Variants in CTNNA3 observed in about 807,000 individuals in gnomAD.
The protein encoded by CTNNA3 is catenin alpha-3.
In CTNNA3, 76 loss-of-function variants were observed where a neutral mutation model predicts 95.7. That is an observed-to-expected ratio of 0.79 (90% CI 0.66 to 0.96). The LOEUF (loss-of-function observed/expected upper bound fraction) is 0.96. Among genes scored for constraint, CTNNA3 ranks in the 40% least tolerant of loss-of-function variants. The pLI, the probability that CTNNA3 is intolerant of heterozygous loss-of-function variation, is 0.00. For missense variants in CTNNA3, 1,191 were observed against 1,089.8 expected (o/e 1.09, Z -1.31); for synonymous variants, 431 against 374.4 (o/e 1.15, Z -1.74).
intron 1 of CTNNA3, chr10:67,750,389 A>G: frequency 1.3e-6 from 2 of 1,493,194 alleles, no homozygotes; most frequent in Non-Finnish European, 1.9e-6. Context: ...GAAGGTGGCC[A>G]TTGATGCAGG....
At chr10:67,690,924 G>A (rs916650588) in intron 1 of CTNNA3, among the ~76,000 whole-genome samples, 2 of 152,002 alleles carry the variant, frequency 1.3e-5, no homozygotes, top group Middle Eastern at 3.4e-3. Flanking sequence ...TCTTTCCACG[G>A]TCTCCCTCTG....
intron 11 of CTNNA3, among the ~76,000 whole-genome samples, chr10:66,425,675 G>GAT (rs34309375): frequency 0.27 from 39,784 of 148,508 alleles, 5,332 homozygotes; most frequent in South Asian, 0.39. Context: ...TTCATATAAA[G>GAT]ATATATATAT....
chr10:67,307,863 G>T (rs970238092), intron 5 of CTNNA3, among the ~76,000 whole-genome samples: 4 of 152,048 alleles, frequency 2.6e-5, no homozygotes, highest in Non-Finnish European at 5.9e-5. Flanking sequence ...TTCATCACTC[G>T]GGACCTATAA....
intron 7 of CTNNA3, among the ~76,000 whole-genome samples, chr10:66,820,060 C>CA (rs71035186): frequency 0.02 from 2,278 of 116,024 alleles, 36 homozygotes; most frequent in African/African-American, 0.056. Flanking sequence ...GTGATAATAG[C>CA]AAAAAAAAAA....
intron 7 of CTNNA3, among the ~76,000 whole-genome samples, chr10:67,085,443 A>G (rs550442603): frequency 6.6e-6 from 1 of 152,034 alleles, no homozygotes; most frequent in South Asian, 2.1e-4. Flanking sequence ...AGACACTGAG[A>G]AGAGCTATTC....
At chr10:66,121,792 C>T (rs772550057) in intron 13 of CTNNA3, among the ~76,000 whole-genome samples, 1 of 152,084 alleles carries the variant, frequency 6.6e-6, no homozygotes, top group Non-Finnish European at 1.5e-5. Context: ...AGTAAGACCA[C>T]ACCACTGCAC....
chr10:67,379,865 C>T (rs573961794), intron 5 of CTNNA3, among the ~76,000 whole-genome samples: 110 of 151,520 alleles, frequency 7.3e-4, no homozygotes, highest in African/African-American at 2.3e-3. Context: ...ACTAAAAATA[C>T]AAAAAATTAG....
chr10:66,162,874 G>T (rs546935761), intron 13 of CTNNA3, among the ~76,000 whole-genome samples: 1 of 151,542 alleles, frequency 6.6e-6, no homozygotes, highest in Non-Finnish European at 1.5e-5. Flanking sequence ...CTCCTTGGGC[G>T]GGTCTTGCTG....
At chr10:65,929,741 GTATTTT>G (rs1363712033) in intron 17 of CTNNA3, among the ~76,000 whole-genome samples, 1 of 151,804 alleles carries the variant, frequency 6.6e-6, no homozygotes, top group Non-Finnish European at 1.5e-5. Flanking sequence ...GCTAATTTTT[GTATTTT>G]TAGTACAGAC....
intron 13 of CTNNA3, among the ~76,000 whole-genome samples, chr10:66,143,313 A>G (rs1200600870): frequency 6.6e-6 from 1 of 152,192 alleles, no homozygotes; most frequent in African/African-American, 2.4e-5. Flanking sequence ...TATACTTTAT[A>G]AAATTAAAAT....
chr10:67,694,721 T>A (rs749477456), intron 1 of CTNNA3, among the ~76,000 whole-genome samples: 4 of 152,068 alleles, frequency 2.6e-5, no homozygotes, highest in Non-Finnish European at 2.9e-5. Context: ...CCAAATTTTA[T>A]CTATACTATT....
chr10:66,923,597 T>G (rs956547951), intron 7 of CTNNA3, among the ~76,000 whole-genome samples: 1 of 152,220 alleles, frequency 6.6e-6, no homozygotes, highest in East Asian at 1.9e-4. Flanking sequence ...CAAAGGAGAA[T>G]AGTCAAAAGC....
chr10:67,635,942 T>G (rs1159666142), intron 2 of CTNNA3, among the ~76,000 whole-genome samples: 12 of 152,198 alleles, frequency 7.9e-5, no homozygotes, highest in Admixed American at 6.6e-4. Flanking sequence ...CAAAAGCTCC[T>G]TAAGCTGATA....
intron 1 of CTNNA3, chr10:67,751,344 T>C (rs1841406106): frequency 4.4e-6 from 3 of 687,798 alleles, no homozygotes; most frequent in East Asian, 3.3e-5. Flanking sequence ...AGTGACTTCG[T>C]CCTGTTGCAG....
At chr10:67,624,673 A>G (rs1843967362) in intron 2 of CTNNA3, among the ~76,000 whole-genome samples, 1 of 152,196 alleles carries the variant, frequency 6.6e-6, no homozygotes, top group South Asian at 2.1e-4. Flanking sequence ...TGGGATAACC[A>G]AAACTGCTCT....
At chr10:67,240,208 T>C (rs554324067) in intron 5 of CTNNA3, among the ~76,000 whole-genome samples, 2 of 152,212 alleles carry the variant, frequency 1.3e-5, no homozygotes, top group Non-Finnish European at 2.9e-5. Flanking sequence ...GATTAAGATG[T>C]GCAGCAGAAA....
rs76124368 is a variant in CTNNA3, at chr10:67,746,728, C to T, written c.-2+16706G>A. On this transcript the variant is annotated intron_variant, in intron 1 of 17. Transcript: ENST00000684154. ...CCCACTCATGAGCCCATGCCACCAT[C>T]AGGGCCTTGGGTCCCAACCACAGAG... Among the ~76,000 whole-genome samples, 5,039 of 152,272 alleles carry T rather than the reference C, an allele frequency of 0.033. 601 individuals are homozygous for T. In the East Asian group the frequency reaches 0.44, roughly 13 times the overall value.
At chr10:66,612,825 T>G (rs1844374254) in intron 10 of CTNNA3, among the ~76,000 whole-genome samples, 1 of 152,070 alleles carries the variant, frequency 6.6e-6, no homozygotes, top group Admixed American at 6.6e-5. Flanking sequence ...TGCTTCTCCT[T>G]TAAGGCCCAT....
chr10:66,444,453 C>T lies in CTNNA3; in HGVS notation c.1532-65101G>A, dbSNP rs184992777. ...GGTTGGGTTACCCACAAAGGGAAAGCCATCAGACTAACAGTAGATCTCTTG... is the reference window on the plus strand; with the variant it reads ...GGTTGGGTTACCCACAAAGGGAAAGTCATCAGACTAACAGTAGATCTCTTG... On this transcript the variant is annotated intron_variant, in intron 11 of 17. Transcript: ENST00000433211. 2.0e-3 allele frequency among the ~76,000 whole-genome samples: 309 copies of T among 152,190 alleles called. 1 individual carries two copies. Among genetic ancestry groups the T allele is most frequent in the African/African-American group, 6.7e-3 (279 of 41,502 alleles).
Sources: allele counts gnomAD v4.1 joint callset (sites outside exome capture counted in the v4.1 genomes callset), GRCh38; gene constraint gnomAD v4.1.1; transcripts MANE v1.5; gene names NCBI Gene and HGNC (gene_info 2026-07-23, HGNC 2026-07-21).